Variants in CTXND1 observed in about 807,000 individuals in gnomAD.
CTXND1 encodes cortexin domain-containing 1 protein.
At chr15:80,205,173 A>G (rs949180064) in intron 1 of CTXND1, among the ~76,000 whole-genome samples, 29 of 152,244 alleles carry the variant, frequency 1.9e-4, no homozygotes, top group African/African-American at 7.0e-4. Flanking sequence ...CAGTACATAG[A>G]AGGTTGCCTC....
At chr15:80,222,410 C>T (rs1200092673) in intron 1 of CTXND1, among the ~76,000 whole-genome samples, 3 of 152,110 alleles carry the variant, frequency 2.0e-5, no homozygotes, top group Non-Finnish European at 4.4e-5. Flanking sequence ...AAAGCTTTAA[C>T]AATTAATGAC....
chr15:80,246,221 C>A (rs1210559860), intron 1 of CTXND1, among the ~76,000 whole-genome samples: 1 of 152,156 alleles, frequency 6.6e-6, no homozygotes, highest in Non-Finnish European at 1.5e-5. Flanking sequence ...TCCAAAGAAG[C>A]AAATTTTCTG....
intron 1 of CTXND1, among the ~76,000 whole-genome samples, chr15:80,224,793 G>C (rs1027047730): frequency 6.6e-6 from 1 of 152,174 alleles, no homozygotes; most frequent in African/African-American, 2.4e-5. Flanking sequence ...ACCCAGGCTG[G>C]AGTGCAGTGG....
chr15:80,226,814 A>G (rs1893377356), intron 1 of CTXND1, among the ~76,000 whole-genome samples: 1 of 152,206 alleles, frequency 6.6e-6, no homozygotes, highest in Non-Finnish European at 1.5e-5. Context: ...CGTCTGCTGC[A>G]TTGAGAATGC....
chr15:80,237,178 A>G (rs530782732), intron 1 of CTXND1, among the ~76,000 whole-genome samples: 1 of 151,924 alleles, frequency 6.6e-6, no homozygotes, highest in South Asian at 2.1e-4. Context: ...TACTAAAAAT[A>G]TAAAAAATTA....
At chr15:80,212,681 G>T (rs2142125860) in intron 1 of CTXND1, among the ~76,000 whole-genome samples, 1 of 152,258 alleles carries the variant, frequency 6.6e-6, no homozygotes, top group South Asian at 2.1e-4. Context: ...TGGTCTGAAG[G>T]ACTAAATCAC....
At chr15:80,213,425 T>C (rs1315867138) in intron 1 of CTXND1, among the ~76,000 whole-genome samples, 1 of 152,038 alleles carries the variant, frequency 6.6e-6, no homozygotes, top group African/African-American at 2.4e-5. Context: ...TGTGATTAAG[T>C]TAAGGGTGTT....
intron 1 of CTXND1, among the ~76,000 whole-genome samples, chr15:80,221,356 G>A (rs1893316574): frequency 6.6e-6 from 1 of 152,096 alleles, no homozygotes; most frequent in African/African-American, 2.4e-5. Flanking sequence ...TGAATAGTAG[G>A]GATGATAAAG....
intron 1 of CTXND1, among the ~76,000 whole-genome samples, chr15:80,220,964 A>G (rs937744556): frequency 1.3e-5 from 2 of 149,480 alleles, no homozygotes; most frequent in Non-Finnish European, 3.0e-5. Context: ...GCTGGAGTGC[A>G]GTGGCGCGAT....
chr15:80,216,890 C>T (rs563124842), intron 1 of CTXND1, among the ~76,000 whole-genome samples: 6 of 152,218 alleles, frequency 3.9e-5, no homozygotes, highest in East Asian at 1.9e-4. Context: ...TCTAGAATTA[C>T]GGGTGTGAGC....
At chr15:80,224,221 C>A (rs1893349584) in intron 1 of CTXND1, among the ~76,000 whole-genome samples, 1 of 152,196 alleles carries the variant, frequency 6.6e-6, no homozygotes, top group South Asian at 2.1e-4. Context: ...TTCAGAAGAC[C>A]CCAGCCCAGC....
At chr15:80,249,938 GTCT>G (rs2141468222) in intron 1 of CTXND1, among the ~76,000 whole-genome samples, 1 of 152,276 alleles carries the variant, frequency 6.6e-6, no homozygotes, top group East Asian at 1.9e-4. Context: ...AGTCATTATG[GTCT>G]TCTTCTACAT....
intron 1 of CTXND1, among the ~76,000 whole-genome samples, chr15:80,204,171 T>TAA (rs1893120631): frequency 2.9e-5 from 1 of 33,986 alleles, no homozygotes; most frequent in Non-Finnish European, 4.8e-5. Context: ...AAAAAAAAAA[T>TAA]ATATATATAT....
At chr15:80,232,849 G>A (rs1048574590) in intron 1 of CTXND1, among the ~76,000 whole-genome samples, 7 of 152,016 alleles carry the variant, frequency 4.6e-5, no homozygotes, top group South Asian at 2.1e-4. Flanking sequence ...AAGAATGTTC[G>A]TTGGAAATTC....
In CTXND1 at chr15:80,196,354, C is replaced by A. The variant is rs1425569219; in HGVS notation, c.*5416G>T. 1 of 152,202 alleles carries A rather than the reference C, an allele frequency of 6.6e-6. No individual in the cohort carries two copies. Among genetic ancestry groups the A allele is most frequent in the Non-Finnish European group, 1.5e-5 (1 of 68,050 alleles). The allele number at this position is 152,202 out of a possible 1,614,324, so 9.4% of individuals were successfully genotyped here. A position where few individuals can be genotyped will look rare whatever the true frequency, so the allele number is the denominator to read the frequency against. ...AAGACACGGCACTAAGAATTTGAATCCTCTGTGGATGAAGATTTGGGTCAT... is the reference window on the plus strand; with the variant it reads ...AAGACACGGCACTAAGAATTTGAATACTCTGTGGATGAAGATTTGGGTCAT... On this transcript the variant is annotated 3_prime_UTR_variant, in exon 3 of 3. Transcript: ENST00000560778.
chr15:80,228,923 G>A (rs1275688865), intron 1 of CTXND1, among the ~76,000 whole-genome samples: 5 of 99,812 alleles, frequency 5.0e-5, no homozygotes, highest in South Asian at 4.7e-4. Flanking sequence ...CCACGGTGCC[G>A]GGTTCAAAAT....
chr15:80,204,211 T>TATATATACAA (rs34959327), intron 1 of CTXND1, among the ~76,000 whole-genome samples: 1 of 89,228 alleles, frequency 1.1e-5, no homozygotes, highest in Non-Finnish European at 2.1e-5. Context: ...CACAAACACA[T>TATATATACAA]ACACACATGC....
intron 1 of CTXND1, among the ~76,000 whole-genome samples, chr15:80,238,929 C>T (rs946592751): frequency 2.0e-5 from 3 of 152,238 alleles, no homozygotes; most frequent in Middle Eastern, 3.2e-3. Context: ...TGTGTAAGCA[C>T]ATGCTATGAT....
chr15:80,238,368 T>A (rs1431732026), intron 1 of CTXND1, among the ~76,000 whole-genome samples: 1 of 152,236 alleles, frequency 6.6e-6, no homozygotes, highest in Non-Finnish European at 1.5e-5. Context: ...TCATATGATT[T>A]TTATGTGTCA....
Sources: allele counts gnomAD v4.1 joint callset (sites outside exome capture counted in the v4.1 genomes callset), GRCh38; gene constraint gnomAD v4.1.1; transcripts MANE v1.5; gene names NCBI Gene and HGNC (gene_info 2026-07-23, HGNC 2026-07-21).